The following PTPRQ variants were observed in gnomAD, a reference collection of about 807,000 sequenced individuals.
PTPRQ encodes the protein phosphatidylinositol phosphatase PTPRQ.
A neutral mutation model predicts 246.0 loss-of-function variants in PTPRQ; 199 were observed. The ratio of observed to expected loss-of-function variants is 0.81; its 90% CI spans 0.72 to 0.91. PTPRQ has a LOEUF of 0.91. Ranked by LOEUF, PTPRQ falls within the 40% of genes least tolerant of loss-of-function variation. The probability of loss-of-function intolerance (pLI) is 0.00; values close to 1 mark genes in which losing one functional copy is unlikely to be tolerated. For synonymous variants in PTPRQ, 869 were observed against 853.2 expected (o/e 1.02, Z -0.32); for missense variants, 2,624 against 2,528.4 (o/e 1.04, Z -0.81).
chr12:80,500,358 G>GT (rs1240913983), intron 14 of PTPRQ, among the ~76,000 whole-genome samples: 33 of 151,930 alleles, frequency 2.2e-4, no homozygotes, highest in Non-Finnish European at 4.4e-5. Flanking sequence ...TTCAAAATCA[G>GT]TAAGTCATTG....
Position 80,480,407 on chromosome 12 carries a change from C to T in PTPRQ, c.1187-4026C>T, listed in dbSNP as rs921686334. ...AGGGAAATTTATAGCACTAAATGCCCACAAGAGAAAGCAGGAAAGATCCAA... is the reference window on the plus strand; with the variant it reads ...AGGGAAATTTATAGCACTAAATGCCTACAAGAGAAAGCAGGAAAGATCCAA... On this transcript the variant is annotated intron_variant, in intron 8 of 44. Coordinates refer to ENST00000644991, the MANE Select transcript of PTPRQ (RefSeq NM_001145026.2). Among the ~76,000 whole-genome samples, 124 of 151,826 alleles carry T rather than the reference C, an allele frequency of 8.2e-4. 2 individuals carry two copies. The highest frequency in any genetic ancestry group is 2.9e-3 in the African/African-American group (119 of 41,342).
At chr12:80,630,809 C>T (rs1053548020) in intron 33 of PTPRQ, among the ~76,000 whole-genome samples, 2 of 152,068 alleles carry the variant, frequency 1.3e-5, no homozygotes, top group Non-Finnish European at 2.9e-5. Flanking sequence ...CTCCACCTTC[C>T]GATTTCAAGC....
At chr12:80,661,656 A>G (rs1179610674) in intron 39 of PTPRQ, among the ~76,000 whole-genome samples, 1 of 151,676 alleles carries the variant, frequency 6.6e-6, no homozygotes, top group Non-Finnish European at 1.5e-5. Flanking sequence ...GTAAATATAA[A>G]CTGCACATTT....
chr12:80,545,750 AAAT>A (rs933388792), intron 23 of PTPRQ, among the ~76,000 whole-genome samples: 105 of 148,090 alleles, frequency 7.1e-4, no homozygotes, highest in Non-Finnish European at 1.4e-3. Context: ...TATTATTTTA[AAAT>A]AATAATAATT....
chr12:80,606,577 A>C (rs1898329427), intron 27 of PTPRQ, among the ~76,000 whole-genome samples: 1 of 150,992 alleles, frequency 6.6e-6, no homozygotes, highest in African/African-American at 2.4e-5. Flanking sequence ...GTTTTCTAAT[A>C]GCATCTTATG....
intron 8 of PTPRQ, among the ~76,000 whole-genome samples, chr12:80,474,251 T>A (rs925962590): frequency 2.0e-5 from 3 of 152,120 alleles, no homozygotes; most frequent in African/African-American, 7.2e-5. Flanking sequence ...TACAACAGGG[T>A]TTTTAGTATT....
intron 17 of PTPRQ, among the ~76,000 whole-genome samples, chr12:80,528,463 G>A (rs1195947961): frequency 1.2e-5 from 1 of 85,514 alleles, no homozygotes; most frequent in Non-Finnish European, 2.4e-5. Context: ...AAGAAGTATT[G>A]TACATTTAAA....
intron 39 of PTPRQ, 44 bp from the exon 40 acceptor site, chr12:80,668,963 T>C: frequency 6.6e-7 from 1 of 1,511,472 alleles, no homozygotes; most frequent in Non-Finnish European, 8.9e-7. Flanking sequence ...AAACACTGTA[T>C]CTGTGAACAC....
In PTPRQ at chr12:80,586,684, T is replaced by G. The variant is rs527848311; in HGVS notation, c.4286-1445T>G. 78 of 152,386 alleles carry G rather than the reference T, an allele frequency of 5.1e-4. 1 individual carries two copies. The highest frequency in any genetic ancestry group is 1.8e-3 in the African/African-American group (76 of 41,592). 9.4% of individuals were successfully genotyped at this position (152,386 alleles called of 1,614,324 possible). A position where few individuals can be genotyped will look rare whatever the true frequency, so the allele number is the denominator to read the frequency against. On this transcript the variant is annotated intron_variant, in intron 25 of 44. Transcript: ENST00000644991. The stretch of plus-strand genomic sequence containing the variant: ...TCATTCTTCTTTTTCTCCGCAACTC[T>G]GATCATCATCCAAAACACTACAGTT...
At chr12:80,558,123 CTTTTCTTTT>C (rs1896704518) in intron 25 of PTPRQ, among the ~76,000 whole-genome samples, 1 of 72,162 alleles carries the variant, frequency 1.4e-5, no homozygotes, top group South Asian at 4.9e-4. Context: ...TTCTTTCTTT[CTTTTCTTTT>C]CTTTTCTTTT....
At chr12:80,545,620 C>A (rs1299789681) in intron 23 of PTPRQ, among the ~76,000 whole-genome samples, 1 of 151,560 alleles carries the variant, frequency 6.6e-6, no homozygotes, top group African/African-American at 2.4e-5. Context: ...CCTCCTTGGG[C>A]AACTATGATA....
At chr12:80,543,590 A>G (rs1240189436) in intron 23 of PTPRQ, among the ~76,000 whole-genome samples, 1 of 152,160 alleles carries the variant, frequency 6.6e-6, no homozygotes, top group Non-Finnish European at 1.5e-5. Context: ...TACAGCAAGA[A>G]GAGTGCAAAA....
At chr12:80,479,929 C>A (rs1378745855) in intron 8 of PTPRQ, among the ~76,000 whole-genome samples, 1 of 151,462 alleles carries the variant, frequency 6.6e-6, no homozygotes, top group Non-Finnish European at 1.5e-5. Context: ...TAATGGGAGA[C>A]TTTAACACCC....
At chr12:80,448,950 A>T (rs1293212546) in intron 3 of PTPRQ, among the ~76,000 whole-genome samples, 1 of 149,710 alleles carries the variant, frequency 6.7e-6, no homozygotes, top group Non-Finnish European at 1.5e-5. Context: ...GAATCGCCAC[A>T]CTGACTTCCA....
At chr12:80,608,832 A>C (rs1250262382) in intron 27 of PTPRQ, among the ~76,000 whole-genome samples, 1 of 150,630 alleles carries the variant, frequency 6.6e-6, no homozygotes, top group Non-Finnish European at 1.5e-5. Flanking sequence ...GCCCCTTTAC[A>C]GAGGTCAATA....
intron 25 of PTPRQ, among the ~76,000 whole-genome samples, chr12:80,578,873 G>T (rs776681139): frequency 7.9e-5 from 12 of 152,054 alleles, no homozygotes; most frequent in Non-Finnish European, 1.3e-4. Context: ...CGATAACAAA[G>T]ATTTACTATC....
chr12:80,518,518 G>T (rs1452689235), intron 17 of PTPRQ, among the ~76,000 whole-genome samples: 1 of 151,980 alleles, frequency 6.6e-6, no homozygotes, highest in African/African-American at 2.4e-5. Context: ...TTTTGCTTTG[G>T]TTGCCTATGC....
chr12:80,498,883 T>G (rs1186674201), intron 14 of PTPRQ, among the ~76,000 whole-genome samples: 3 of 139,920 alleles, frequency 2.1e-5, no homozygotes, highest in African/African-American at 8.6e-5. Context: ...GCACATAATC[T>G]TTTACTTAGT....
intron 23 of PTPRQ, among the ~76,000 whole-genome samples, chr12:80,545,436 G>A (rs1482434394): frequency 6.6e-6 from 1 of 151,926 alleles, no homozygotes; most frequent in Non-Finnish European, 1.5e-5. Context: ...GATCAACATG[G>A]TTTATATTTT....
Sources: allele counts gnomAD v4.1 joint callset (sites outside exome capture counted in the v4.1 genomes callset), GRCh38; gene constraint gnomAD v4.1.1; transcripts MANE v1.5; gene names NCBI Gene and HGNC (gene_info 2026-07-23, HGNC 2026-07-21).